Variants in TDRP observed in about 807,000 individuals in gnomAD.
TDRP encodes testis development-related protein.
TDRP carries 12 observed loss-of-function variants against 10.5 expected under a neutral mutation model. That is an observed-to-expected ratio of 1.15 (90% CI 0.73 to 1.86). The LOEUF is 1.86. TDRP is among the 40% of genes most tolerant of loss of function. The probability of loss-of-function intolerance (pLI) is 0.00; values close to 1 mark genes in which losing one functional copy is unlikely to be tolerated. For missense variants in TDRP, 353 were observed against 229.2 expected, an observed-to-expected ratio of 1.54 and a Z score of -3.49; for synonymous variants, 139 against 95.4, an observed-to-expected ratio of 1.46 and a Z score of -2.67.
At position 491,521 on chromosome 8, in the gene TDRP, G is replaced by A. The variant is rs1047040569; in HGVS notation, c.*878C>T. ...ACAGATCTAACACCAATCACAATAGGCATCTCGCTTTGCAAGAACAAACAT... is the reference window on the plus strand; with the variant it reads ...ACAGATCTAACACCAATCACAATAGACATCTCGCTTTGCAAGAACAAACAT... On this transcript the variant is annotated 3_prime_UTR_variant, in exon 3 of 3. Coordinates refer to ENST00000324079, the MANE Select transcript of TDRP (RefSeq NM_001384899.1). The A allele has an allele frequency of 1.1e-5, 13 of 1,228,034 alleles. No homozygotes were observed. The East Asian group carries it at 3.2e-4, about 30-fold the overall frequency. The allele number at this position is 1,228,034 out of a possible 1,614,324, so 76.1% of individuals were successfully genotyped here.
intron 1 of TDRP, among the ~76,000 whole-genome samples, chr8:496,720 G>T (rs975808020): frequency 3.9e-5 from 6 of 152,194 alleles, no homozygotes; most frequent in Non-Finnish European, 8.8e-5. Context: ...ATACGGTGTG[G>T]CTCTGTGTCC....
intron 1 of TDRP, among the ~76,000 whole-genome samples, chr8:519,794 T>C (rs574165272): frequency 3.3e-4 from 50 of 152,312 alleles, no homozygotes; most frequent in African/African-American, 4.3e-4. Flanking sequence ...GGGCGAGGCA[T>C]TGTCAAGTGG....
intron 1 of TDRP, among the ~76,000 whole-genome samples, chr8:502,598 C>G (rs1801335191): frequency 6.6e-6 from 1 of 152,250 alleles, no homozygotes; most frequent in African/African-American, 2.4e-5. Flanking sequence ...CTACGCCTAC[C>G]TCAGCACGTG....
chr8:519,481 T>C (rs958877950), intron 1 of TDRP, among the ~76,000 whole-genome samples: 1 of 151,890 alleles, frequency 6.6e-6, no homozygotes, highest in Non-Finnish European at 1.5e-5. Context: ...AAGTATAGAG[T>C]TCAATTGCGT....
chr8:533,313 T>C (rs777080068), intron 1 of TDRP, among the ~76,000 whole-genome samples: 43 of 152,198 alleles, frequency 2.8e-4, no homozygotes, highest in Non-Finnish European at 4.4e-4. Flanking sequence ...CGCAGCCTCA[T>C]TGGGCTGCTC....
chr8:543,262 G>A (rs2034354), intron 1 of TDRP, among the ~76,000 whole-genome samples: 50,309 of 152,016 alleles, frequency 0.33, 10,088 homozygotes, highest in Non-Finnish European at 0.44. Flanking sequence ...GTAGTGAGCC[G>A]AGATTGCGCC....
At chr8:521,864 T>C (rs7003952) in intron 1 of TDRP, among the ~76,000 whole-genome samples, 88,642 of 152,066 alleles carry the variant, frequency 0.58, 26,516 homozygotes, top group Admixed American at 0.66. Flanking sequence ...ACCATCAACA[T>C]GGGCTGTCTA....
chr8:500,937 T>C (rs946308437), intron 1 of TDRP, among the ~76,000 whole-genome samples: 1 of 152,206 alleles, frequency 6.6e-6, no homozygotes, highest in Non-Finnish European at 1.5e-5. Context: ...CCGGGCGCGG[T>C]GTCTCACACC....
chr8:518,986 T>C (rs1016000942), intron 1 of TDRP, among the ~76,000 whole-genome samples: 4 of 152,166 alleles, frequency 2.6e-5, no homozygotes, highest in African/African-American at 9.7e-5. Context: ...AGCTTCAGGA[T>C]GGAGTCTGTC....
intron 1 of TDRP, among the ~76,000 whole-genome samples, chr8:508,713 C>A (rs531966697): frequency 6.6e-5 from 10 of 152,244 alleles, no homozygotes; most frequent in Non-Finnish European, 1.5e-4. Flanking sequence ...CCTGGCCCCT[C>A]CCAAATCTCA....
intron 1 of TDRP, among the ~76,000 whole-genome samples, chr8:540,064 G>A (rs953578659): frequency 1.3e-5 from 2 of 152,184 alleles, no homozygotes; most frequent in African/African-American, 4.8e-5. Context: ...GGCAACTGAT[G>A]AACTCTTCTA....
chr8:536,737 T>C (rs1053957361), intron 1 of TDRP, among the ~76,000 whole-genome samples: 1 of 152,210 alleles, frequency 6.6e-6, no homozygotes, highest in Non-Finnish European at 1.5e-5. Flanking sequence ...GAAAATGTTT[T>C]GCTATGTTTC....
rs146348408 is a variant in TDRP, at chr8:544,148, T to C, written c.108+502A>G. ...AAACAAACATTTAGCCCACTTAACATTGAGCTACGGTCGTCCAAAGCTGCT... is the reference window on the plus strand; with the variant it reads ...AAACAAACATTTAGCCCACTTAACACTGAGCTACGGTCGTCCAAAGCTGCT... On this transcript the variant is annotated intron_variant, in intron 1 of 2. Coordinates refer to ENST00000324079, the MANE Select transcript of TDRP (RefSeq NM_001384899.1). Among the ~76,000 whole-genome samples the C allele has an allele frequency of 1.2e-3, 177 of 152,284 alleles. 1 individual carries two copies. The highest frequency in any genetic ancestry group is 3.7e-3 in the Admixed American group (57 of 15,302).
chr8:517,809 G>C (rs1477201213), intron 1 of TDRP, among the ~76,000 whole-genome samples: 1 of 152,166 alleles, frequency 6.6e-6, no homozygotes, highest in African/African-American at 2.4e-5. Flanking sequence ...ACAGAGTTTG[G>C]ATTTTTCTGC....
At chr8:545,756 G>C (rs901640220), upstream of TDRP, 3 of 152,056 alleles carry the variant, frequency 2.0e-5, no homozygotes, top group African/African-American at 7.2e-5. Context: ...GCTGGGGCCT[G>C]GGGCGCCGCG....
Position 491,961 on chromosome 8 carries a change from C to T in TDRP, c.*438G>A. On this transcript the variant is annotated 3_prime_UTR_variant, in exon 3 of 3. Transcript: ENST00000324079. ...TAACTTTGGAAGATTCATCTTACCT[C>T]CTGACTAATTTTCTAGCAAAAGAAA... The T allele has an allele frequency of 1.8e-6, 2 of 1,115,380 alleles. No individual in the cohort carries two copies. The highest frequency in any genetic ancestry group is 3.8e-5 in the South Asian group (1 of 26,064). The allele number at this position is 1,115,380 out of a possible 1,614,324, so 69.1% of individuals were successfully genotyped here.
chr8:537,135 A>G (rs1802366812), intron 1 of TDRP, among the ~76,000 whole-genome samples: 1 of 152,212 alleles, frequency 6.6e-6, no homozygotes, highest in Non-Finnish European at 1.5e-5. Flanking sequence ...ACCCCACACC[A>G]GGTACACTCC....
chr8:533,189 T>C (rs1326935410), intron 1 of TDRP, among the ~76,000 whole-genome samples: 5 of 152,168 alleles, frequency 3.3e-5, no homozygotes, highest in South Asian at 4.2e-4. Context: ...TTCTTGTACA[T>C]TTTTGACAGT....
In TDRP at chr8:544,664, C is replaced by CGGCGGCGGCG. The variant is rs1802587715; in HGVS notation, c.84_93dup (p.Ala32ArgfsTer25). ...CACCCCCTCACCTGCGCCTGGGCGG[C>CGGCGGCGGCG]GGCGGCGGCGGCCGGTGGCGGCCCC... On this transcript the variant is annotated frameshift_variant, in exon 1 of 3. Coordinates refer to ENST00000324079, the MANE Select transcript of TDRP (RefSeq NM_001384899.1). LOFTEE classifies it high-confidence loss of function. 1 of 437,964 alleles carries CGGCGGCGGCG rather than the reference C, an allele frequency of 2.3e-6. No individual in the cohort carries two copies. The highest frequency in any genetic ancestry group is 1.3e-4 in the Admixed American group (1 of 7,938). The allele number at this position is 437,964 out of a possible 1,614,324, so 27.1% of individuals were successfully genotyped here.
Sources: allele counts gnomAD v4.1 joint callset (sites outside exome capture counted in the v4.1 genomes callset), GRCh38; gene constraint gnomAD v4.1.1; transcripts MANE v1.5; gene names NCBI Gene and HGNC (gene_info 2026-07-23, HGNC 2026-07-21).